Variants in GLG1 observed in about 807,000 individuals in gnomAD.
GLG1 encodes golgi glycoprotein 1, also known as Golgi apparatus protein 1.
GLG1 carries 38 observed loss-of-function variants against 160.5 expected under a neutral mutation model. The ratio of observed to expected loss-of-function variants is 0.24; its 90% CI spans 0.18 to 0.31. The LOEUF is 0.31. GLG1 is among the 10% of genes least tolerant of loss of function. The probability of loss-of-function intolerance (pLI) is 1.00; values close to 1 mark genes in which losing one functional copy is unlikely to be tolerated. For missense variants in GLG1, 1,373 were observed against 1,505.2 expected (o/e 0.91, Z 1.45); for synonymous variants, 644 against 543.4 (o/e 1.19, Z -2.57).
chr16:74,525,619 T>C (rs1391348987), intron 2 of GLG1, among the ~76,000 whole-genome samples: 1 of 150,418 alleles, frequency 6.6e-6, no homozygotes, highest in Non-Finnish European at 1.5e-5. Context: ...ATGACAATGA[T>C]GTTGAGCATC....
chr16:74,541,200 T>C (rs964260115), intron 1 of GLG1, among the ~76,000 whole-genome samples: 4 of 151,940 alleles, frequency 2.6e-5, no homozygotes, highest in African/African-American at 9.7e-5. Flanking sequence ...GGCGCATGCC[T>C]GTAGTCCCAG....
intron 2 of GLG1, among the ~76,000 whole-genome samples, chr16:74,514,380 C>A (rs1245857167): frequency 3.3e-5 from 5 of 152,168 alleles, no homozygotes; most frequent in African/African-American, 1.2e-4. Context: ...ATGTTAAGGG[C>A]AGCCAGAGAG....
At chr16:74,532,466 G>C (rs930704458) in intron 1 of GLG1, among the ~76,000 whole-genome samples, 2 of 152,042 alleles carry the variant, frequency 1.3e-5, no homozygotes, top group African/African-American at 4.8e-5. Flanking sequence ...ACTCCTACAG[G>C]ACACTTTATA....
chr16:74,503,638 T>A lies in GLG1; in HGVS notation c.667A>T (p.Met223Leu), dbSNP rs568663961. Residue 223 changes from methionine to leucine, a missense_variant, in exon 4 of 26, where the codon ATG becomes TTG. Physicochemically the swap from Met to Leu is conservative, Grantham distance 15. This residue lies in a region of GLG1 where 174 missense variants were observed against 229.9 expected (regional missense o/e 0.76). Transcript: ENST00000422840. ...EYQCHQYITK[M>L]TAIIFSDYRL... ...TAATCACTAAAAATGATGGCCGTCATCTTGGTAATGTACTGGTGACACTGA... is the reference window on the plus strand; with the variant it reads ...TAATCACTAAAAATGATGGCCGTCAACTTGGTAATGTACTGGTGACACTGA... 25 of 1,612,758 alleles carry A rather than the reference T, an allele frequency of 1.6e-5. No homozygotes were observed. Among genetic ancestry groups the A allele is most frequent in the Middle Eastern group, 3.3e-4 (2 of 6,062 alleles).
chr16:74,595,196 AT>A (rs769793911), intron 1 of GLG1, among the ~76,000 whole-genome samples: 7 of 150,838 alleles, frequency 4.6e-5, no homozygotes, highest in African/African-American at 9.7e-5. Flanking sequence ...TCAAAAAAAA[AT>A]AATAATAATT....
chr16:74,503,372 T>C (rs544097670), intron 4 of GLG1, among the ~76,000 whole-genome samples, 159 bp downstream of exon 4: 5 of 152,298 alleles, frequency 3.3e-5, no homozygotes, highest in Non-Finnish European at 4.4e-5. Context: ...ATGAAATACA[T>C]TGTCAACCAG....
intron 1 of GLG1, among the ~76,000 whole-genome samples, chr16:74,577,331 G>C (rs546011975): frequency 1.2e-4 from 19 of 152,174 alleles, no homozygotes; most frequent in African/African-American, 4.3e-4. Flanking sequence ...AGATCAGGCT[G>C]GTCAACATGG....
intron 11 of GLG1, 60 bp from the exon 12 acceptor site, chr16:74,477,593 T>C (rs2015431009): frequency 1.5e-6 from 2 of 1,344,170 alleles, no homozygotes; most frequent in Non-Finnish European, 2.1e-6. Flanking sequence ...CACAAAGATA[T>C]GAGATAAACC....
intron 1 of GLG1, among the ~76,000 whole-genome samples, chr16:74,573,812 T>A (rs1017021389): frequency 6.6e-6 from 1 of 151,132 alleles, no homozygotes; most frequent in African/African-American, 2.4e-5. Flanking sequence ...TTTTTTTTTT[T>A]AAACGGGGTC....
At chr16:74,596,621 A>G (rs1958309017) in intron 1 of GLG1, among the ~76,000 whole-genome samples, 1 of 152,246 alleles carries the variant, frequency 6.6e-6, no homozygotes, top group African/African-American at 2.4e-5. Flanking sequence ...CAATTCAAAC[A>G]GGCCATGTTT....
At chr16:74,554,813 C>A (rs1465341101) in intron 1 of GLG1, among the ~76,000 whole-genome samples, 5 of 152,088 alleles carry the variant, frequency 3.3e-5, no homozygotes, top group Non-Finnish European at 7.3e-5. Flanking sequence ...CAACAGTGGA[C>A]CTACTGACAG....
At chr16:74,463,209 A>C (rs2143188090) in intron 20 of GLG1, 147 bp downstream of exon 20, 1 of 725,596 alleles carries the variant, frequency 1.4e-6, no homozygotes, top group East Asian at 2.6e-5. Flanking sequence ...GATGCTCCTC[A>C]AAGGAGGAAG....
rs1448121110 is a variant in GLG1 at position 74,477,461 on chromosome 16, C to G, written c.1900G>C (p.Ala634Pro). The G allele has an allele frequency of 1.9e-6, 3 of 1,612,332 alleles. No homozygotes were observed. Among genetic ancestry groups the G allele is most frequent in the Non-Finnish European group, 2.5e-6 (3 of 1,178,458 alleles). Residue 634 changes from alanine to proline, a missense_variant, in exon 12 of 26, where the codon GCC becomes CCC. Around this residue, in one of 4 missense-constraint regions of GLG1, gnomAD observed 386 missense variants for 388.5 expected, o/e 0.99. Transcript: ENST00000422840. ...TCAATCAGGCACTTATCCTGGAGGGCAGGATCCAGCTTGACATCCATGGCA... is the reference window on the plus strand; with the variant it reads ...TCAATCAGGCACTTATCCTGGAGGGGAGGATCCAGCTTGACATCCATGGCA... The part of the protein sequence containing the change: ...QRAMDVKLDP[A>P]LQDKCLIDLG...
At chr16:74,548,074 C>T (rs1567516822) in intron 1 of GLG1, among the ~76,000 whole-genome samples, 3 of 152,178 alleles carry the variant, frequency 2.0e-5, no homozygotes, top group South Asian at 4.1e-4. Flanking sequence ...GGATAATAGG[C>T]GTGCGCCACC....
chr16:74,548,481 C>G (rs1200181909), intron 1 of GLG1, among the ~76,000 whole-genome samples: 3 of 152,178 alleles, frequency 2.0e-5, no homozygotes, highest in African/African-American at 7.2e-5. Flanking sequence ...GCTTGGCCTA[C>G]CACACAATTC....
At position 74,489,563 on chromosome 16, in the gene GLG1, T is replaced by C. The variant is rs540516345; in HGVS notation, c.1449+1438A>G. Among the ~76,000 whole-genome samples the C allele has an allele frequency of 3.3e-5, 5 of 152,172 alleles. No individual in the cohort carries two copies. The East Asian group carries it at 7.7e-4, about 24-fold the overall frequency. The stretch of plus-strand genomic sequence containing the variant: ...TGAAGTGCAAATATAGGCTGTCTCC[T>C]GATTCATTTTTGGTCTGGGTCCCAG... On this transcript the variant is annotated intron_variant, in intron 8 of 25. Coordinates refer to ENST00000422840, the MANE Select transcript of GLG1 (RefSeq NM_001145667.2).
At chr16:74,568,165 G>T (rs2018713828) in intron 1 of GLG1, among the ~76,000 whole-genome samples, 1 of 152,218 alleles carries the variant, frequency 6.6e-6, no homozygotes, top group Non-Finnish European at 1.5e-5. Flanking sequence ...AGCCAGCCCA[G>T]AAGCAGATGG....
chr16:74,495,948 G>A (rs1256044654), intron 5 of GLG1, among the ~76,000 whole-genome samples: 1 of 152,006 alleles, frequency 6.6e-6, no homozygotes, highest in East Asian at 1.9e-4. Flanking sequence ...TTTCTTGATG[G>A]CTTATTTTAC....
At chr16:74,511,575 CTTT>C (rs10595609) in intron 2 of GLG1, among the ~76,000 whole-genome samples, 3,665 of 111,186 alleles carry the variant, frequency 0.033, 68 homozygotes, top group Non-Finnish European at 0.043. Context: ...TAACTTGAAC[CTTT>C]TTTTTTTAAA....
Sources: gnomAD v4.1 joint callset for allele counts (sites outside exome capture counted in the v4.1 genomes callset) on GRCh38, gnomAD v4.1.1 for gene constraint, gnomAD v4.1.1 regional missense constraint, MANE v1.5 for transcripts, NCBI Gene and HGNC (gene_info 2026-07-23, HGNC 2026-07-21) for gene names.